Variants in GRAMD1A observed in about 807,000 individuals in gnomAD.
The protein encoded by GRAMD1A is GRAM domain containing 1A, also known as protein Aster-A.
Under a neutral mutation model 92.0 loss-of-function variants are expected in GRAMD1A, and 50 were observed. The ratio of observed to expected loss-of-function variants is 0.54; its 90% CI spans 0.43 to 0.69. The LOEUF is 0.69. Among genes scored for constraint, GRAMD1A ranks in the 30% least tolerant of loss-of-function variants. The pLI, the probability that GRAMD1A is intolerant of heterozygous loss-of-function variation, is 0.00. For missense variants in GRAMD1A, 819 were observed against 978.9 expected (o/e 0.84, Z 2.18); for synonymous variants, 405 against 403.6 (o/e 1.00, Z -0.04).
chr19:35,021,441 G>T lies in GRAMD1A; in HGVS notation c.1476-61G>T. The T allele has an allele frequency of 8.0e-7, 1 of 1,253,376 alleles. No homozygotes were observed. The highest frequency in any genetic ancestry group is 1.2e-6 in the Non-Finnish European group (1 of 852,528). 77.6% of individuals were successfully genotyped at this position (1,253,376 alleles called of 1,614,324 possible). ...GGGAAGGAAAAAACTCAGCTTGTGG[G>T]ACGGGGCAGCCAGGGCTGGAGTCAG... On this transcript the variant is annotated intron_variant, in intron 13 of 19. Coordinates refer to ENST00000317991, the MANE Select transcript of GRAMD1A (RefSeq NM_020895.5). The surrounding 1 kb of genome is among the most constrained non-coding windows in gnomAD (Gnocchi z 5.3).
At chr19:35,010,522 A>G in intron 6 of GRAMD1A, 143 bp downstream of exon 6, 2 of 654,052 alleles carry the variant, frequency 3.1e-6, no homozygotes, top group Admixed American at 2.3e-5. Context: ...CCAGGCGCCC[A>G]TCACCCCTGA....
rs772131074 is a variant in GRAMD1A at position 35,009,192 on chromosome 19, C to T, written c.82C>T (p.Pro28Ser). Reference protein sequence around the residue: ...SLRKRLQLLPPSRPPPEPEPG... With the variant: ...SLRKRLQLLPSSRPPPEPEPG... ...CCGGAAACGGCTGCAGCTCCTGCCCCCAAGCCGGCCCCCACCTGAGCCAGA... is the reference window on the plus strand; with the variant it reads ...CCGGAAACGGCTGCAGCTCCTGCCCTCAAGCCGGCCCCCACCTGAGCCAGA... The change falls in exon 2 of 20, where the codon CCA (proline) becomes TCA (serine). Residue 28 changes from proline to serine, a missense_variant. Coordinates refer to ENST00000317991, the MANE Select transcript of GRAMD1A (RefSeq NM_020895.5). The T allele has an allele frequency of 3.1e-6, 5 of 1,613,982 alleles. No individual in the cohort carries two copies. The highest frequency in any genetic ancestry group is 4.2e-6 in the Non-Finnish European group (5 of 1,179,838).
intron 2 of GRAMD1A, 45 bp from the exon 3 acceptor site, chr19:35,009,378 C>G (rs202035308): frequency 6.2e-7 from 1 of 1,613,682 alleles, no homozygotes; most frequent in African/African-American, 1.3e-5. Flanking sequence ...GGGGGCTGGC[C>G]GGTGATCTAG....
At chr19:35,003,714 G>GCACCA (rs2014592096) in intron 1 of GRAMD1A, among the ~76,000 whole-genome samples, 1 of 152,188 alleles carries the variant, frequency 6.6e-6, no homozygotes, top group Non-Finnish European at 1.5e-5. Context: ...GTGCTGTCTG[G>GCACCA]GTGAAGCCAA....
Position 35,013,069 on chromosome 19 carries a change from C to G in GRAMD1A, c.607-187C>G, listed in dbSNP as rs139653919. 4 of 566,594 alleles carry G rather than the reference C, an allele frequency of 7.1e-6. No individual in the cohort carries two copies. Among genetic ancestry groups the G allele is most frequent in the Non-Finnish European group, 1.3e-5 (4 of 314,774 alleles). 35.1% of individuals were successfully genotyped at this position (566,594 alleles called of 1,614,324 possible). A position where few individuals can be genotyped will look rare whatever the true frequency, so the allele number is the denominator to read the frequency against. ...GGAAGCAGGAAGTTTGAGTCCTGGG[C>G]GCAGGCCCTGGAGGGGCTGTAGCAG... is the stretch of plus-strand genomic sequence containing the variant. On this transcript the variant is annotated intron_variant, in intron 7 of 19. Transcript: ENST00000317991. This position sits in a 1 kb window ranked among gnomAD's most constrained non-coding sequence, Gnocchi z 4.9.
rs2016065189 is a variant in GRAMD1A, at chr19:35,021,692, G to A, written c.1581G>A (p.Glu527=). Residue 527 remains glutamate, a splice_region_variant and synonymous_variant, in exon 15 of 20, where the codon GAG becomes GAA. Coordinates refer to ENST00000317991, the MANE Select transcript of GRAMD1A (RefSeq NM_020895.5). The surrounding 1 kb of genome is among the most constrained non-coding windows in gnomAD (Gnocchi z 5.3). ...SGIEDYFHHL[E]RELAKAEKLS... is the part of the protein sequence containing the mutation. ...CAGAGCCCCCTCTCTTTTACGCAGAGCGAGAGCTCGCCAAGGCTGAGAAGC... is the reference window on the plus strand; with the variant it reads ...CAGAGCCCCCTCTCTTTTACGCAGAACGAGAGCTCGCCAAGGCTGAGAAGC... 2 of 1,613,964 alleles carry A rather than the reference G, an allele frequency of 1.2e-6. No homozygotes were observed. Among genetic ancestry groups the A allele is most frequent in the Non-Finnish European group, 8.5e-7 (1 of 1,180,012 alleles).
At chr19:35,024,423 G>A (rs537818591) in intron 19 of GRAMD1A, among the ~76,000 whole-genome samples, 1 of 148,340 alleles carries the variant, frequency 6.7e-6, no homozygotes, top group South Asian at 2.1e-4. Flanking sequence ...CGGTGGGTCA[G>A]AGCAAGTGTC....
At chr19:35,011,680 C>A in intron 7 of GRAMD1A, 126 bp downstream of exon 7, 1 of 669,572 alleles carries the variant, frequency 1.5e-6, no homozygotes, top group East Asian at 2.6e-5. Flanking sequence ...GCCCAGTGCC[C>A]CTGCAGCTCC....
At chr19:35,006,179 G>A (rs2014800761) in intron 1 of GRAMD1A, among the ~76,000 whole-genome samples, 2 of 152,138 alleles carry the variant, frequency 1.3e-5, no homozygotes, top group South Asian at 4.1e-4. Context: ...AAAATTAGCT[G>A]GGCATGGTGG....
intron 6 of GRAMD1A, among the ~76,000 whole-genome samples, chr19:35,011,097 G>A (rs1200007517): frequency 8.3e-5 from 8 of 96,394 alleles, no homozygotes; most frequent in Admixed American, 4.5e-4. Flanking sequence ...GCCAGACCCT[G>A]TCTCAAAAAA....
intron 1 of GRAMD1A, chr19:35,005,789 G>A: frequency 2.2e-6 from 1 of 447,296 alleles, no homozygotes; most frequent in Non-Finnish European, 4.5e-6. Flanking sequence ...GACAGTGACG[G>A]CCCAGAGTAG....
intron 1 of GRAMD1A, chr19:35,002,371 C>G (rs931495918): frequency 6.6e-6 from 1 of 152,434 alleles, no homozygotes; most frequent in African/African-American, 2.4e-5. Flanking sequence ...CCACTGACAC[C>G]TCCACCCCTT....
intron 3 of GRAMD1A, 182 bp downstream of exon 3, chr19:35,009,625 C>T (rs1356277726): frequency 8.6e-6 from 6 of 693,976 alleles, no homozygotes; most frequent in Non-Finnish European, 1.3e-5. Flanking sequence ...CCTCTCTGGG[C>T]CTCTCTCTGT....
intron 19 of GRAMD1A, 47 bp from the exon 20 acceptor site, chr19:35,026,002 C>G (rs1429872945): frequency 1.0e-6 from 1 of 956,464 alleles, no homozygotes. Context: ...ACATCACCCC[C>G]CAGCCTCCAG....
chr19:35,010,019 T>C lies in GRAMD1A; in HGVS notation c.325+47T>C, dbSNP rs750575203. The C allele has an allele frequency of 8.5e-6, 13 of 1,535,522 alleles. No homozygotes were observed. The South Asian group carries it at 1.2e-4, about 15-fold the overall frequency. On this transcript the variant is annotated intron_variant, in intron 4 of 19. Transcript: ENST00000317991. ...CCAGCTCCTAGCCCAGCCCTGTGAC[T>C]CTCCGCCAGCCCGCGGGCGCCGGCT...
chr19:35,016,206 A>T (rs890147998), intron 11 of GRAMD1A, among the ~76,000 whole-genome samples: 2 of 152,174 alleles, frequency 1.3e-5, no homozygotes, highest in Admixed American at 6.5e-5. Flanking sequence ...TGATAATAGT[A>T]CCTGGCTTAT....
upstream of GRAMD1A, among the ~76,000 whole-genome samples, chr19:34,999,720 C>A (rs1270958678): frequency 6.6e-6 from 1 of 152,212 alleles, no homozygotes; most frequent in African/African-American, 2.4e-5. Flanking sequence ...GGGTGATGAG[C>A]GCAAGGTCTC....
rs2016219699 is a variant in GRAMD1A, at chr19:35,023,435, C to T, written c.1970C>T (p.Pro657Leu). Reference sequence around the variant, plus strand: ...GCCTGGCATCCCCACAGCAAGTTCCCCCAGACGGCCACAGAGTGGGCCGAG... The same window carrying T: ...GCCTGGCATCCCCACAGCAAGTTCCTCCAGACGGCCACAGAGTGGGCCGAG... ...HSLALAKGKFPQTATEWAEIL... is the reference protein window; with the variant it reads ...HSLALAKGKFLQTATEWAEIL... The change falls in exon 19 of 20, where the codon CCC becomes CTC. Residue 657 changes from proline to leucine, a missense_variant. By Grantham distance (98) the Pro-to-Leu change is moderately conservative. This residue lies in a region of GRAMD1A where 577 missense variants were observed against 674.6 expected (regional missense o/e 0.86). Transcript: ENST00000317991. 1 of 1,592,930 alleles carries T rather than the reference C, an allele frequency of 6.3e-7. No individual in the cohort carries two copies.
In GRAMD1A at chr19:35,000,477, C is replaced by G; in HGVS notation, c.-2C>G. The G allele has an allele frequency of 1.6e-6, 2 of 1,274,806 alleles. No homozygotes were observed. The highest frequency in any genetic ancestry group is 3.3e-5 in the East Asian group (1 of 30,322). 79.0% of individuals were successfully genotyped at this position (1,274,806 alleles called of 1,614,324 possible). A position where few individuals can be genotyped will look rare whatever the true frequency, so the allele number is the denominator to read the frequency against. On this transcript the variant is annotated 5_prime_UTR_variant, in exon 1 of 20. The change creates a new upstream start codon in the 5' untranslated region. Transcript: ENST00000317991. The surrounding 1 kb of genome is among the most constrained non-coding windows in gnomAD (Gnocchi z 4.9). ...CCGGGGCGCGCCCACCGCGCCGCAT[C>G]CATGTTCGAGTAAGGACCGGGCGAC... is the stretch of plus-strand genomic sequence containing the variant.
Sources: allele counts gnomAD v4.1 joint callset (sites outside exome capture counted in the v4.1 genomes callset), GRCh38; gene constraint gnomAD v4.1.1; regional missense constraint gnomAD v4.1.1; non-coding constraint Gnocchi (gnomAD v3.1); transcripts MANE v1.5; gene names NCBI Gene and HGNC (gene_info 2026-07-23, HGNC 2026-07-21).